SEPTIN9: variants seen among roughly 807,000 people sequenced by gnomAD.
SEPTIN9 encodes the protein septin-9.
SEPTIN9 carries 13 observed loss-of-function variants against 56.6 expected under a neutral mutation model. The observed-to-expected ratio is 0.23, with a 90% CI of 0.15 to 0.37. The LOEUF (loss-of-function observed/expected upper bound fraction) is 0.37, where lower values mean the gene tolerates loss of function less well. Ranked by LOEUF, SEPTIN9 falls within the 10% of genes least tolerant of loss-of-function variation. The pLI, the probability that SEPTIN9 is intolerant of heterozygous loss-of-function variation, is 1.00. For missense variants in SEPTIN9, 650 were observed against 823.1 expected, an observed-to-expected ratio of 0.79 and a Z score of 2.57; for synonymous variants, 332 against 334.1, an observed-to-expected ratio of 0.99 and a Z score of 0.07.
intron 2 of SEPTIN9, among the ~76,000 whole-genome samples, chr17:77,356,496 CA>C (rs143695735): frequency 0.018 from 2,750 of 151,310 alleles, 42 homozygotes; most frequent in South Asian, 0.044. Context: ...AAATGGGGGC[CA>C]GGGGGGAGCG....
At chr17:77,333,911 T>C (rs901597496) in intron 2 of SEPTIN9, among the ~76,000 whole-genome samples, 3 of 117,858 alleles carry the variant, frequency 2.5e-5, no homozygotes, top group African/African-American at 1.0e-4. Context: ...TGTAAAATTA[T>C]CTGTCCACGT....
rs752181506 is a variant in SEPTIN9 at position 77,475,578 on chromosome 17, G to C, written c.722-6566G>C. 6.2e-7 allele frequency: 1 copy of C among 1,613,478 alleles called. No homozygotes were observed. The highest frequency in any genetic ancestry group is 1.7e-5 in the Admixed American group (1 of 59,990). The stretch of plus-strand genomic sequence containing the variant: ...CCGTAGGGCTGCCGCAGGGGTGCTG[G>C]CCCCAGGGTCTGGATTCAGGGGAGC... On this transcript the variant is annotated intron_variant, in intron 3 of 11. Transcript: ENST00000427177. This position sits in a 1 kb window ranked among gnomAD's most constrained non-coding sequence, Gnocchi z 4.6.
Position 77,449,672 on chromosome 17 carries a change from T to C in SEPTIN9, c.722-32472T>C, listed in dbSNP as rs1368917675. On this transcript the variant is annotated intron_variant, in intron 3 of 11. Coordinates refer to ENST00000427177, the MANE Select transcript of SEPTIN9 (RefSeq NM_001113491.2). This position sits in a 1 kb window ranked among gnomAD's most constrained non-coding sequence, Gnocchi z 4.6. Reference sequence around the variant, plus strand: ...GAAAGGAGTTCCTTCTGGCATCCTTTGTCAGCGGTTTCTGGAGCTGCCCTT... The same window carrying C: ...GAAAGGAGTTCCTTCTGGCATCCTTCGTCAGCGGTTTCTGGAGCTGCCCTT... 6.6e-6 allele frequency among the ~76,000 whole-genome samples: 1 copy of C among 152,194 alleles called. No homozygotes were observed. Among genetic ancestry groups the C allele is most frequent in the African/African-American group, 2.4e-5 (1 of 41,442 alleles).
At chr17:77,305,696 G>A (rs1464745697) in intron 1 of SEPTIN9, among the ~76,000 whole-genome samples, 1 of 151,710 alleles carries the variant, frequency 6.6e-6, no homozygotes, top group African/African-American at 2.4e-5. Flanking sequence ...GATACACTGT[G>A]CTCATTCTGC....
chr17:77,419,331 G>A (rs62077376), intron 3 of SEPTIN9, among the ~76,000 whole-genome samples: 10,927 of 149,774 alleles, frequency 0.073, 588 homozygotes, highest in African/African-American at 0.13. Flanking sequence ...CAACCCAGCT[G>A]GAGGAGGAGT....
At chr17:77,368,820 A>G (rs1488216656) in intron 2 of SEPTIN9, among the ~76,000 whole-genome samples, 3 of 152,212 alleles carry the variant, frequency 2.0e-5, no homozygotes, top group Admixed American at 6.5e-5. Flanking sequence ...GTTTTTTGCA[A>G]CATTTAACTA....
At chr17:77,314,650 T>G (rs760219171) in intron 2 of SEPTIN9, among the ~76,000 whole-genome samples, 58 of 152,168 alleles carry the variant, frequency 3.8e-4, no homozygotes, top group Non-Finnish European at 1.8e-4. Context: ...ATGCGTTCTC[T>G]CCACCTCCGC....
chr17:77,374,851 G>C (rs1332005708), intron 2 of SEPTIN9: 1 of 152,312 alleles, frequency 6.6e-6, no homozygotes, highest in South Asian at 2.1e-4. Flanking sequence ...GGTGTGGGGC[G>C]GCGAAGGGAC....
rs1371863328 is a variant in SEPTIN9, at chr17:77,295,756, G to A, written c.20-11385G>A. Among the ~76,000 whole-genome samples the A allele has an allele frequency of 3.3e-5, 5 of 152,010 alleles. No individual in the cohort carries two copies. In the East Asian group the frequency reaches 7.7e-4, roughly 23 times the overall value. On this transcript the variant is annotated intron_variant, in intron 1 of 11. Transcript: ENST00000427177. ...CTTCCCTGCTGTTAGACAGGAAGAGGAACCTTGTTCCCGGCACCAGCTGCC... is the reference window on the plus strand; with the variant it reads ...CTTCCCTGCTGTTAGACAGGAAGAGAAACCTTGTTCCCGGCACCAGCTGCC...
At chr17:77,345,691 C>A (rs191302171) in intron 2 of SEPTIN9, among the ~76,000 whole-genome samples, 114 of 152,240 alleles carry the variant, frequency 7.5e-4, no homozygotes, top group Non-Finnish European at 1.3e-3. Context: ...GGCAGCTGTG[C>A]CTTCAGAGGA....
Position 77,433,950 on chromosome 17 carries a change from G to T in SEPTIN9, c.721+31247G>T, listed in dbSNP as rs1259874681. Among the ~76,000 whole-genome samples the T allele has an allele frequency of 2.0e-5, 3 of 152,200 alleles. No homozygotes were observed. The highest frequency in any genetic ancestry group is 7.2e-5 in the African/African-American group (3 of 41,440). On this transcript the variant is annotated intron_variant, in intron 3 of 11. Transcript: ENST00000427177. This position sits in a 1 kb window ranked among gnomAD's most constrained non-coding sequence, Gnocchi z 6.4. ...GCTTGCTGTGGGGCCTCCCCCGATCGGGGGACTTCCCAGCACAGAGCTTTC... is the reference window on the plus strand; with the variant it reads ...GCTTGCTGTGGGGCCTCCCCCGATCTGGGGACTTCCCAGCACAGAGCTTTC...
chr17:77,443,687 C>G (rs554939859), intron 3 of SEPTIN9, among the ~76,000 whole-genome samples: 219 of 151,918 alleles, frequency 1.4e-3, no homozygotes, highest in African/African-American at 4.8e-3. Context: ...ATCCCAGCTA[C>G]GGGGGAGGCT....
rs1008126177 is a variant in SEPTIN9 at position 77,318,459 on chromosome 17, C to T, written c.76+11262C>T. Reference sequence around the variant, plus strand: ...CAAAAACTCTTGTTCCAAACAAGGTCCCATTTGCAGGTCTAGGGATTAGGA... The same window carrying T: ...CAAAAACTCTTGTTCCAAACAAGGTTCCATTTGCAGGTCTAGGGATTAGGA... On this transcript the variant is annotated intron_variant, in intron 2 of 11. Transcript: ENST00000427177. The surrounding 1 kb of genome is among the most constrained non-coding windows in gnomAD (Gnocchi z 4.9). Among the ~76,000 whole-genome samples the T allele has an allele frequency of 6.6e-6, 1 of 152,056 alleles. No individual in the cohort carries two copies. The highest frequency in any genetic ancestry group is 2.1e-4 in the South Asian group (1 of 4,818).
chr17:77,356,096 C>T (rs965934682), intron 2 of SEPTIN9, among the ~76,000 whole-genome samples: 8 of 152,014 alleles, frequency 5.3e-5, no homozygotes, highest in African/African-American at 1.2e-4. Flanking sequence ...CGGACATAAA[C>T]GCCAGGAGAC....
chr17:77,353,151 CCT>C (rs1206214612), intron 2 of SEPTIN9, among the ~76,000 whole-genome samples: 1 of 152,164 alleles, frequency 6.6e-6, no homozygotes, highest in Non-Finnish European at 1.5e-5. Flanking sequence ...GAACGAACGG[CCT>C]CTCCAGGGTG....
intron 3 of SEPTIN9, among the ~76,000 whole-genome samples, chr17:77,470,390 CCATCCACT>C (rs1336300507): frequency 6.6e-6 from 1 of 151,314 alleles, no homozygotes; most frequent in Non-Finnish European, 1.5e-5. Flanking sequence ...ACTCATCCGT[CCATCCACT>C]CATCCACGCA....
At chr17:77,391,205 G>A (rs1028803995) in intron 2 of SEPTIN9, among the ~76,000 whole-genome samples, 1 of 152,148 alleles carries the variant, frequency 6.6e-6, no homozygotes, top group African/African-American at 2.4e-5. Flanking sequence ...CAGAATTGAC[G>A]GGACACTGAG....
chr17:77,399,124 C>T (rs76135648), intron 2 of SEPTIN9, among the ~76,000 whole-genome samples: 9,635 of 152,236 alleles, frequency 0.063, 449 homozygotes, highest in South Asian at 0.18. Flanking sequence ...CGCTTGTGCA[C>T]GTGGGCCTGG....
intron 3 of SEPTIN9, among the ~76,000 whole-genome samples, chr17:77,410,670 GTGA>G (rs1230373922): frequency 6.6e-6 from 1 of 152,210 alleles, no homozygotes; most frequent in African/African-American, 2.4e-5. Context: ...AGAGTGGACA[GTGA>G]TGATTCGTGA....
Sources: gnomAD v4.1 joint callset for allele counts (sites outside exome capture counted in the v4.1 genomes callset) on GRCh38, gnomAD v4.1.1 for gene constraint, Gnocchi (gnomAD v3.1) non-coding constraint, MANE v1.5 for transcripts, NCBI Gene and HGNC (gene_info 2026-07-23, HGNC 2026-07-21) for gene names.